NIN: variants seen among roughly 807,000 people sequenced by gnomAD.
NIN encodes ninein.
A neutral mutation model predicts 257.6 loss-of-function variants in NIN; 137 were observed. The ratio of observed to expected loss-of-function variants is 0.53; its 90% CI spans 0.46 to 0.61. NIN has a LOEUF of 0.61. Ranked by LOEUF, NIN falls within the 20% of genes least tolerant of loss-of-function variation. The probability of loss-of-function intolerance (pLI) is 0.00; values close to 1 mark genes in which losing one functional copy is unlikely to be tolerated. For missense variants in NIN, 2,439 were observed against 2,501.2 expected, an observed-to-expected ratio of 0.98 and a Z score of 0.53; for synonymous variants, 918 against 919.8, an observed-to-expected ratio of 1.00 and a Z score of 0.04.
At chr14:50,743,264 A>T in intron 24 of NIN, 152 bp downstream of exon 24, 1 of 550,938 alleles carries the variant, frequency 1.8e-6, no homozygotes, top group Non-Finnish European at 3.3e-6. Context: ...CAGCCTTGCC[A>T]CACTATAAAC....
chr14:50,739,356 C>G lies in NIN; in HGVS notation c.5580G>C (p.Gln1860His). The G allele has an allele frequency of 1.2e-6, 2 of 1,614,230 alleles. No individual in the cohort carries two copies. The highest frequency in any genetic ancestry group is 1.7e-6 in the Non-Finnish European group (2 of 1,180,050). The change falls in exon 26 of 31, where the codon CAG becomes CAC. Residue 1860 changes from glutamine to histidine, a missense_variant. Gln to His is a conservative substitution (Grantham distance 24). Coordinates refer to ENST00000530997, the MANE Select transcript of NIN (RefSeq NM_020921.4). ...QLLWQENERL[Q>H]TMVQNTKAEL... ...CGGCTTTGGTGTTCTGTACCATGGT[C>G]TGGAGCCTCTCATTCTCTTGCCAAA...
chr14:50,739,317 G>C lies in NIN; in HGVS notation c.5619C>G (p.Ser1873=). 1 of 1,613,918 alleles carries C rather than the reference G, an allele frequency of 6.2e-7. No homozygotes were observed. The highest frequency in any genetic ancestry group is 2.2e-5 in the East Asian group (1 of 44,876). ...CAGCTTCTCCAATTACCTTCTCCCG[G>C]GAGTGCGTGAGTTCGGCTTTGGTGT... ...VQNTKAELTH[S]REKVRQLESN... Residue 1873 remains serine (S), a synonymous_variant, in exon 26 of 31, where the codon TCC becomes TCG. Coordinates refer to ENST00000530997, the MANE Select transcript of NIN (RefSeq NM_020921.4).
intron 16 of NIN, 55 bp downstream of exon 16, chr14:50,761,735 T>G: frequency 1.2e-6 from 2 of 1,605,414 alleles, no homozygotes; most frequent in Non-Finnish European, 1.7e-6. Flanking sequence ...CCTACACACA[T>G]AAGCCTGTCA....
At chr14:50,800,664 A>G (rs73297390) in intron 4 of NIN, among the ~76,000 whole-genome samples, 2,851 of 152,324 alleles carry the variant, frequency 0.019, 95 homozygotes, top group African/African-American at 0.066. Context: ...CTATCATTTT[A>G]CAAAACATCA....
chr14:50,720,047 C>A lies in NIN; in HGVS notation c.*3416G>T. 1 of 218,492 alleles carries A rather than the reference C, an allele frequency of 4.6e-6. No individual in the cohort carries two copies. Among genetic ancestry groups the A allele is most frequent in the Non-Finnish European group, 9.2e-6 (1 of 108,804 alleles). 13.5% of individuals were successfully genotyped at this position (218,492 alleles called of 1,614,324 possible). Reference sequence around the variant, plus strand: ...CATTAAGAACTTAACTTGTATTGCCCAAAAAAGCTGAGAAGCAAAAAGCTA... The same window carrying A: ...CATTAAGAACTTAACTTGTATTGCCAAAAAAAGCTGAGAAGCAAAAAGCTA... On this transcript the variant is annotated 3_prime_UTR_variant, in exon 31 of 31. Transcript: ENST00000530997.
At chr14:50,818,252 G>A (rs1392456179) in intron 3 of NIN, among the ~76,000 whole-genome samples, 18 of 149,604 alleles carry the variant, frequency 1.2e-4, no homozygotes. Flanking sequence ...GAACCCGGGA[G>A]GCGGAGCTTG....
intron 15 of NIN, 78 bp downstream of exon 15, chr14:50,763,747 GC>G: frequency 8.1e-7 from 1 of 1,227,180 alleles, no homozygotes; most frequent in East Asian, 2.4e-5. Context: ...AGTTGCCAAA[GC>G]TTTGCAATTT....
chr14:50,740,066 T>C (rs1407840235), intron 25 of NIN, among the ~76,000 whole-genome samples: 1 of 151,908 alleles, frequency 6.6e-6, no homozygotes, highest in Non-Finnish European at 1.5e-5. Flanking sequence ...TTGAAAATGA[T>C]TTAAAAAATT....
chr14:50,758,564 A>ACAAT lies in NIN; in HGVS notation c.2462_2465dup (p.Cys822Ter). 6.2e-7 allele frequency: 1 copy of ACAAT among 1,611,232 alleles called. No homozygotes were observed. Among genetic ancestry groups the ACAAT allele is most frequent in the African/African-American group, 1.3e-5 (1 of 74,792 alleles). ...TTTCACACCTCTCAGTGACTTTCTGACAATCAGACTGAAACTGGGCTTCTA... is the reference window on the plus strand; with the variant it reads ...TTTCACACCTCTCAGTGACTTTCTGACAATCAATCAGACTGAAACTGGGCTTCTA... On this transcript the variant is annotated stop_gained and frameshift_variant, in exon 18 of 31. Transcript: ENST00000530997. LOFTEE classifies it high-confidence loss of function.
At chr14:50,740,385 G>A (rs1484473722) in intron 25 of NIN, among the ~76,000 whole-genome samples, 1 of 149,678 alleles carries the variant, frequency 6.7e-6, no homozygotes, top group Non-Finnish European at 1.5e-5. Context: ...GTCTAGCTCT[G>A]TCGCCCAGGC....
intron 22 of NIN, among the ~76,000 whole-genome samples, chr14:50,745,407 ACTT>A (rs1372262016): frequency 6.6e-6 from 1 of 152,120 alleles, no homozygotes; most frequent in African/African-American, 2.4e-5. Context: ...TGTTTCTTAC[ACTT>A]CTTAACCCTT....
chr14:50,811,810 T>C (rs886804580), intron 3 of NIN, among the ~76,000 whole-genome samples: 11 of 151,928 alleles, frequency 7.2e-5, no homozygotes, highest in African/African-American at 2.2e-4. Flanking sequence ...CTGGCTAACG[T>C]GGTGAAACCC....
chr14:50,798,232 G>A (rs181238367), intron 4 of NIN, among the ~76,000 whole-genome samples: 8 of 152,278 alleles, frequency 5.3e-5, no homozygotes, highest in Admixed American at 4.6e-4. Context: ...AGATGCAGAT[G>A]TTTAATTAGG....
chr14:50,792,363 G>A lies in NIN; in HGVS notation c.435+349C>T, dbSNP rs1566851979. 1.5e-5 allele frequency: 3 copies of A among 196,898 alleles called. No homozygotes were observed. The South Asian group carries it at 3.7e-4, about 24-fold the overall frequency. The allele number at this position is 196,898 out of a possible 1,614,324, so 12.2% of individuals were successfully genotyped here. ...AGTTTGGGGCAAGGGAGGGGGAGGA[G>A]CTGGTTCGCCTTTTAAATAACTAAA... is the stretch of plus-strand genomic sequence containing the variant. On this transcript the variant is annotated intron_variant, in intron 5 of 30. Coordinates refer to ENST00000530997, the MANE Select transcript of NIN (RefSeq NM_020921.4).
intron 5 of NIN, among the ~76,000 whole-genome samples, chr14:50,791,807 G>GCACACACAAACACAAACA (rs57083345): frequency 0.034 from 3,911 of 116,716 alleles, 121 homozygotes; most frequent in South Asian, 0.18. Context: ...AGGTGCACGC[G>GCACACACAAACACAAACA]CACACACACA....
chr14:50,736,296 C>T (rs1296840211), intron 27 of NIN, among the ~76,000 whole-genome samples: 1 of 151,582 alleles, frequency 6.6e-6, no homozygotes, highest in African/African-American at 2.4e-5. Context: ...CTGCACCCAG[C>T]TAGTTTTTGT....
intron 30 of NIN, chr14:50,723,893 T>C (rs2040321257): frequency 1.9e-6 from 1 of 528,662 alleles, no homozygotes; most frequent in East Asian, 3.2e-5. Context: ...GAGATGTTTA[T>C]GTCAGTTACT....
In NIN at chr14:50,744,480, T is replaced by C. The variant is rs891186458; in HGVS notation, c.5065-115A>G. 4 of 1,081,380 alleles carry C rather than the reference T, an allele frequency of 3.7e-6. No homozygotes were observed. In the African/African-American group the frequency reaches 6.3e-5, roughly 17 times the overall value. 67.0% of individuals were successfully genotyped at this position (1,081,380 alleles called of 1,614,324 possible). A position where few individuals can be genotyped will look rare whatever the true frequency, so the allele number is the denominator to read the frequency against. ...CTGCTATTTGCCTATCTGTGGATATTTCAGAGGACATAAACTCTAGCAGAG... is the reference window on the plus strand; with the variant it reads ...CTGCTATTTGCCTATCTGTGGATATCTCAGAGGACATAAACTCTAGCAGAG... On this transcript the variant is annotated intron_variant, in intron 22 of 30. Coordinates refer to ENST00000530997, the MANE Select transcript of NIN (RefSeq NM_020921.4).
At chr14:50,815,117 G>A (rs1194426200) in intron 3 of NIN, among the ~76,000 whole-genome samples, 1 of 152,150 alleles carries the variant, frequency 6.6e-6, no homozygotes, top group Non-Finnish European at 1.5e-5. Context: ...CTACAGAATA[G>A]GAGAAAATTT....
Sources: allele counts gnomAD v4.1 joint callset (sites outside exome capture counted in the v4.1 genomes callset), GRCh38; gene constraint gnomAD v4.1.1; transcripts MANE v1.5; gene names NCBI Gene and HGNC (gene_info 2026-07-23, HGNC 2026-07-21).